SAGE1: variants seen among roughly 807,000 people sequenced by gnomAD.
SAGE1 encodes cancer/testis antigen 14.
SAGE1 carries 55 observed loss-of-function variants against 55.4 expected under a neutral mutation model. The ratio of observed to expected loss-of-function variants is 0.99; its 90% confidence interval spans 0.80 to 1.24. SAGE1 has a LOEUF of 1.24. Among genes scored for constraint, SAGE1 ranks in the 50% most tolerant of loss-of-function variants. The pLI, the probability that SAGE1 is intolerant of heterozygous loss-of-function variation, is 0.00. For synonymous variants in SAGE1, 240 were observed against 244.3 expected, an observed-to-expected ratio of 0.98 and a Z score of 0.17; for missense variants, 710 against 704.4, an observed-to-expected ratio of 1.01 and a Z score of -0.09.
chrX:135,906,679 T>C (rs1186888413), intron 7 of SAGE1, 128 bp downstream of exon 7: 65 of 872,077 alleles, frequency 7.5e-5, no homozygotes, highest in Admixed American at 1.3e-4. Flanking sequence ...CAGGGATCCA[T>C]GTAAGTTTGT....
intron 3 of SAGE1, among the ~76,000 whole-genome samples, chrX:135,903,295 A>G (rs2088713263): frequency 1.8e-5 from 2 of 112,788 alleles, no homozygotes; most frequent in African/African-American, 6.4e-5. Context: ...AACCAGCTGC[A>G]GCCCCAGGGG....
intron 2 of SAGE1, among the ~76,000 whole-genome samples, chrX:135,897,177 T>C (rs782808769): frequency 1.8e-5 from 2 of 112,406 alleles, no homozygotes; most frequent in South Asian, 7.4e-4. Flanking sequence ...CTAGGTGATG[T>C]TGCCATGATT....
rs141646494 is a variant in SAGE1, at chrX:135,906,118, T to C, written c.549T>C (p.Ile183=). 4.1e-6 allele frequency: 5 copies of C among 1,208,381 alleles called. No homozygotes were observed. Among genetic ancestry groups the C allele is most frequent in the Non-Finnish European group, 4.5e-6 (4 of 893,076 alleles). ...TGTCAACTGGTCCCACAGGGCTTATTAATATGGCAGCAACTCCTATTCCAG... is the reference window on the plus strand; with the variant it reads ...TGTCAACTGGTCCCACAGGGCTTATCAATATGGCAGCAACTCCTATTCCAG... ...NVLSTGPTGL[I]NMAATPIPAM... The change falls in exon 6 of 20, where the codon ATT becomes ATC. Residue 183 remains isoleucine, a synonymous_variant. Coordinates refer to ENST00000370709, the MANE Select transcript of SAGE1 (RefSeq NM_001381902.1).
intron 1 of SAGE1, among the ~76,000 whole-genome samples, chrX:135,894,288 T>C (rs1213511170): frequency 1.4e-4 from 16 of 112,412 alleles, no homozygotes; most frequent in Admixed American, 1.0e-3. Flanking sequence ...GTCAGGCTGG[T>C]CTCAAACTCC....
At position 135,907,789 on chromosome X, in the gene SAGE1, G is replaced by T; in HGVS notation, c.1107G>T (p.Gly369=). ...PSNALSTVLP[G]LAYLATADMP... Reference sequence around the variant, plus strand: ...ACGCCTTGTCAACTGTTCTACCAGGGCTTGCTTATTTGGCAACAGCTGATA... The same window carrying T: ...ACGCCTTGTCAACTGTTCTACCAGGTCTTGCTTATTTGGCAACAGCTGATA... The change falls in exon 10 of 20, where the codon GGG becomes GGT. Residue 369 remains glycine, a synonymous_variant. Transcript: ENST00000370709. The T allele has an allele frequency of 1.7e-6, 2 of 1,210,427 alleles. No homozygotes were observed. The highest frequency in any genetic ancestry group is 4.4e-5 in the Admixed American group (2 of 45,974).
chrX:135,909,414 T>C (rs1375172417), intron 13 of SAGE1, among the ~76,000 whole-genome samples: 1 of 111,658 alleles, frequency 9.0e-6, no homozygotes, highest in Non-Finnish European at 1.9e-5. Flanking sequence ...TTACTAGTCG[T>C]ACTGTCCTAC....
chrX:135,907,187 A>T, intron 8 of SAGE1, 121 bp downstream of exon 8: 1 of 1,045,774 alleles, frequency 9.6e-7, no homozygotes, highest in Non-Finnish European at 1.3e-6. Flanking sequence ...GGGGTCTCAG[A>T]TCACCACCTG....
At chrX:135,909,098 C>T in intron 13 of SAGE1, 94 bp downstream of exon 13, 1 of 818,807 alleles carries the variant, frequency 1.2e-6, no homozygotes, top group Non-Finnish European at 1.8e-6. Flanking sequence ...TATATTCTTT[C>T]CTAACCTCAA....
chrX:135,904,625 C>T (rs2088751305), intron 4 of SAGE1, 56 bp downstream of exon 4: 1 of 641,466 alleles, frequency 1.6e-6, no homozygotes, highest in African/African-American at 2.4e-5. Context: ...TCCATGAGTA[C>T]TTATTAATTG....
chrX:135,908,042 A>G, intron 10 of SAGE1, 47 bp from the exon 11 acceptor site: 1 of 1,188,096 alleles, frequency 8.4e-7, no homozygotes, highest in Non-Finnish European at 1.1e-6. Flanking sequence ...TGTGGGATTG[A>G]CATACTGCAC....
intron 6 of SAGE1, 82 bp downstream of exon 6, chrX:135,906,246 TTG>T (rs1465991828): frequency 9.1e-7 from 1 of 1,099,167 alleles, no homozygotes; most frequent in African/African-American, 1.8e-5. Context: ...GGTGGTTTTG[TTG>T]TGTTATCGTT....
In SAGE1 at chrX:135,906,541, C is replaced by G. The variant is rs781882293; in HGVS notation, c.726C>G (p.Thr242=). 9 of 1,195,484 alleles carry G rather than the reference C, an allele frequency of 7.5e-6. No individual in the cohort carries two copies. Among genetic ancestry groups the G allele is most frequent in the South Asian group, 5.5e-5 (3 of 54,529 alleles). Residue 242 remains threonine, a synonymous_variant, in exon 7 of 20, where the codon ACC becomes ACG. Transcript: ENST00000370709. The stretch of plus-strand genomic sequence containing the variant: ...ACACTGGTATTTCACCCATGAGTAC[C>G]AGGGATCCATGTAAGTTTGTTTATT... ...MTDTGISPMS[T]RDPYATITYN...
In SAGE1 at chrX:135,909,799, T is replaced by C. The variant is rs1284944837; in HGVS notation, c.1723+20T>C. The C allele has an allele frequency of 1.7e-6, 2 of 1,168,026 alleles. No homozygotes were observed. The highest frequency in any genetic ancestry group is 3.6e-5 in the African/African-American group (2 of 56,071). On this transcript the variant is annotated intron_variant, in intron 14 of 19. Transcript: ENST00000370709. ...ATCAGTGTATGTTTGCTTATTCAGT[T>C]GTACTGTCCTACTTGGTTTTCATAT...
rs782147214 is a variant in SAGE1 at position 135,901,697 on chromosome X, G to A, written c.220+6G>A. 3 of 1,197,742 alleles carry A rather than the reference G, an allele frequency of 2.5e-6. No individual in the cohort carries two copies. Among genetic ancestry groups the A allele is most frequent in the Admixed American group, 4.5e-5 (2 of 44,547 alleles). On this transcript the variant is annotated splice_donor_region_variant and intron_variant, in intron 3 of 19. Transcript: ENST00000370709. ...GTGGTTAGACAAACAGGAAGGTGAG[G>A]GGGAATCCAATCTTTGGGCCTCAAC...
At chrX:135,893,952 G>C (rs1305220121) in intron 1 of SAGE1, among the ~76,000 whole-genome samples, 171 bp downstream of exon 1, 2 of 112,179 alleles carry the variant, frequency 1.8e-5, no homozygotes, top group South Asian at 7.4e-4. Flanking sequence ...ATTTGCACGC[G>C]AAGCCATCTT....
Position 135,905,499 on chromosome X carries a change from T to C in SAGE1, c.454+107T>C, listed in dbSNP as rs1213929163. The C allele has an allele frequency of 7.6e-6, 6 of 791,203 alleles. No individual in the cohort carries two copies. In the African/African-American group the frequency reaches 1.0e-4, roughly 14 times the overall value. The allele number at this position is 791,203 out of a possible 1,213,427, so 65.2% of individuals were successfully genotyped here. Reference sequence around the variant, plus strand: ...TTGCATATACTTTCCTAGTCTCAATTTGAGGGGTCTCAGATGGCCACCTGG... The same window carrying C: ...TTGCATATACTTTCCTAGTCTCAATCTGAGGGGTCTCAGATGGCCACCTGG... On this transcript the variant is annotated intron_variant, in intron 5 of 19. Transcript: ENST00000370709.
At position 135,904,391 on chromosome X, in the gene SAGE1, C is replaced by G. The variant is rs1248686355; in HGVS notation, c.221-86C>G. On this transcript the variant is annotated intron_variant, in intron 3 of 19. Coordinates refer to ENST00000370709, the MANE Select transcript of SAGE1 (RefSeq NM_001381902.1). ...TCCTTCTTCTTTATGAGATAATTTC[C>G]TAGATACTGAGCATCAGTGGGGCAT... is the stretch of plus-strand genomic sequence containing the variant. The G allele has an allele frequency of 1.0e-4, 58 of 558,157 alleles. No individual in the cohort carries two copies. The African/African-American group carries it at 1.2e-3, about 12-fold the overall frequency. 46.0% of individuals were successfully genotyped at this position (558,157 alleles called of 1,213,427 possible). A position where few individuals can be genotyped will look rare whatever the true frequency, so the allele number is the denominator to read the frequency against.
intron 3 of SAGE1, 113 bp from the exon 4 acceptor site, chrX:135,904,364 T>G (rs2088740889): frequency 2.0e-6 from 1 of 512,807 alleles, no homozygotes; most frequent in Non-Finnish European, 3.4e-6. Flanking sequence ...CTACCTGGTA[T>G]ATCCTTCTTC....
rs372296087 is a variant in SAGE1 at position 135,909,729 on chromosome X, T to C, written c.1673T>C (p.Leu558Pro). Residue 558 changes from leucine (L) to proline (P), a missense_variant, in exon 14 of 20, where the codon CTT becomes CCT. Leu to Pro is a moderately conservative substitution (Grantham distance 98). Coordinates refer to ENST00000370709, the MANE Select transcript of SAGE1 (RefSeq NM_001381902.1). ...SYDLSTVLPG[L>P]TYLTVAGIPA... ...GACTTGTCAACTGTTCTACCAGGAC[T>C]TACTTATTTGACAGTAGCTGGTATT... is the stretch of plus-strand genomic sequence containing the variant. 28 of 1,203,568 alleles carry C rather than the reference T, an allele frequency of 2.3e-5. No homozygotes were observed. The highest frequency in any genetic ancestry group is 2.8e-5 in the Non-Finnish European group (25 of 890,993).
Sources: allele counts gnomAD v4.1 joint callset (sites outside exome capture counted in the v4.1 genomes callset), GRCh38; gene constraint gnomAD v4.1.1; transcripts MANE v1.5; gene names NCBI Gene and HGNC (gene_info 2026-07-23, HGNC 2026-07-21).